The following COL5A2 variants were observed in gnomAD, a reference collection of about 807,000 sequenced individuals.
The protein encoded by COL5A2 is collagen alpha-2(V) chain.
COL5A2 carries 23 observed loss-of-function variants against 208.2 expected under a neutral mutation model. The observed-to-expected ratio is 0.11, with a 90% CI of 0.08 to 0.16. The LOEUF is 0.16. Ranked by LOEUF, COL5A2 falls within the 10% of genes least tolerant of loss-of-function variation. COL5A2 has a pLI of 1.00. For missense variants in COL5A2, 1,590 were observed against 1,956.4 expected, an observed-to-expected ratio of 0.81 and a Z score of 3.53; for synonymous variants, 625 against 628.5, an observed-to-expected ratio of 0.99 and a Z score of 0.08.
At chr2:189,404,494 C>T in the COL5A2 span, among the ~76,000 whole-genome samples, 1 of 152,276 alleles carries the variant, frequency 6.6e-6, no homozygotes, top group Admixed American at 6.5e-5. Context: ...TGGTCTCAGA[C>T]CAGAAGTTAC....
At chr2:189,097,513 A>G (rs2105683792) in intron 5 of COL5A2, 183 bp from the exon 6 acceptor site, 2 of 706,072 alleles carry the variant, frequency 2.8e-6, no homozygotes, top group South Asian at 1.5e-5. Context: ...AGCGTTGTTT[A>G]TGTTATCAGT....
chr2:189,045,155 A>G, intron 47 of COL5A2, 24 bp downstream of exon 47: 1 of 1,570,862 alleles, frequency 6.4e-7, no homozygotes, highest in Non-Finnish European at 8.7e-7. Context: ...AACATTTTTT[A>G]AAAAACAAAA....
At chr2:189,058,667 G>T in intron 32 of COL5A2, 140 bp from the exon 33 acceptor site, 3 of 974,700 alleles carry the variant, frequency 3.1e-6, no homozygotes, top group Non-Finnish European at 4.8e-6. Flanking sequence ...TTAGTGATAA[G>T]AAATAAATTT....
chr2:189,243,000 T>G, the COL5A2 span, among the ~76,000 whole-genome samples: 1 of 152,146 alleles, frequency 6.6e-6, no homozygotes, highest in Non-Finnish European at 1.5e-5. Flanking sequence ...TGCACTATTT[T>G]GATGGGTTGG....
the COL5A2 span, among the ~76,000 whole-genome samples, chr2:189,245,412 T>C: frequency 2.0e-5 from 3 of 152,136 alleles, no homozygotes; most frequent in South Asian, 6.2e-4. Flanking sequence ...TAATTTAAGA[T>C]GATTAAGCTC....
chr2:189,202,276 A>C lies in COL5A2; in HGVS notation c.-42+22872T>G, dbSNP rs999414916. ...GAAAATAGGAAAAGAGAAAAAGTAG[A>C]ATAAATCAAAAGAATAAAATGCAAT... On this transcript the variant is annotated intron_variant, in intron 1 of 10. Transcript: ENST00000649966. 5.1e-4 allele frequency among the ~76,000 whole-genome samples: 78 copies of C among 152,142 alleles called. 1 individual carries two copies. The highest frequency in any genetic ancestry group is 1.8e-3 in the African/African-American group (75 of 41,458).
chr2:189,199,862 C>G (rs943115832), intron 1 of COL5A2, among the ~76,000 whole-genome samples: 3 of 152,200 alleles, frequency 2.0e-5, no homozygotes, highest in Non-Finnish European at 2.9e-5. Context: ...CTTCTTTGTA[C>G]ATCACTATAT....
At chr2:189,182,371 C>T (rs780780187), upstream of COL5A2, among the ~76,000 whole-genome samples, 2 of 152,122 alleles carry the variant, frequency 1.3e-5, no homozygotes, top group South Asian at 2.1e-4. Context: ...TAGGCGATTA[C>T]GGTTCAAAGA....
At chr2:189,040,568 T>C (rs1460211479) in intron 50 of COL5A2, among the ~76,000 whole-genome samples, 1 of 152,190 alleles carries the variant, frequency 6.6e-6, no homozygotes, top group Non-Finnish European at 1.5e-5. Context: ...GGAGTTCTAC[T>C]ATTGGCTCTG....
At chr2:189,166,866 G>C (rs1203852136) in intron 1 of COL5A2, among the ~76,000 whole-genome samples, 1 of 152,150 alleles carries the variant, frequency 6.6e-6, no homozygotes, top group Non-Finnish European at 1.5e-5. Context: ...GCTAACTATA[G>C]GGCATCTGGA....
the COL5A2 span, among the ~76,000 whole-genome samples, chr2:189,428,478 T>G: frequency 6.6e-6 from 1 of 152,026 alleles, no homozygotes; most frequent in South Asian, 2.1e-4. Context: ...ATTAGCTGGG[T>G]GTGGTGGCAC....
chr2:189,152,351 G>A (rs912885058), intron 1 of COL5A2, among the ~76,000 whole-genome samples: 3 of 152,186 alleles, frequency 2.0e-5, no homozygotes, highest in African/African-American at 7.2e-5. Context: ...ATACCAAAGA[G>A]TTCTAAATTG....
intron 1 of COL5A2, among the ~76,000 whole-genome samples, chr2:189,126,504 ATC>A (rs748548311): frequency 3.8e-4 from 58 of 152,246 alleles, no homozygotes; most frequent in Admixed American, 1.2e-3. Flanking sequence ...CTTAGAGCAC[ATC>A]AAGTGGAACA....
chr2:189,241,578 T>C, the COL5A2 span, among the ~76,000 whole-genome samples: 67 of 152,242 alleles, frequency 4.4e-4, no homozygotes, highest in African/African-American at 1.5e-3. Context: ...CCCAGCTATT[T>C]GGGAGGCTGA....
the COL5A2 span, among the ~76,000 whole-genome samples, chr2:189,441,080 C>G: frequency 3.8e-3 from 572 of 152,168 alleles, 3 homozygotes; most frequent in South Asian, 0.015. Flanking sequence ...GAGAGGCTCG[C>G]GTCATCCTGC....
At chr2:189,190,946 T>A (rs1169058051) in intron 1 of COL5A2, among the ~76,000 whole-genome samples, 1 of 151,954 alleles carries the variant, frequency 6.6e-6, no homozygotes, top group Non-Finnish European at 1.5e-5. Flanking sequence ...ATCACTGATA[T>A]CTAACACATA....
the COL5A2 span, among the ~76,000 whole-genome samples, chr2:189,231,496 T>C: frequency 2.6e-5 from 4 of 151,654 alleles, no homozygotes; most frequent in African/African-American, 4.8e-5. Flanking sequence ...AAAAATGTTT[T>C]ACACTGGGGA....
At chr2:189,167,641 G>T (rs1161170696) in intron 1 of COL5A2, among the ~76,000 whole-genome samples, 2 of 148,052 alleles carry the variant, frequency 1.4e-5, no homozygotes, top group Admixed American at 1.4e-4. Flanking sequence ...AGGAAAAATA[G>T]GGAAGGATTG....
chr2:189,097,365 T>C (rs964137423), intron 5 of COL5A2, 35 bp from the exon 6 acceptor site: 10 of 1,607,000 alleles, frequency 6.2e-6, no homozygotes, highest in Non-Finnish European at 5.1e-6. Context: ...CATGCAAAAA[T>C]GTATACTTTC....
Sources: gnomAD v4.1 joint callset for allele counts (sites outside exome capture counted in the v4.1 genomes callset) on GRCh38, gnomAD v4.1.1 for gene constraint, MANE v1.5 for transcripts, NCBI Gene and HGNC (gene_info 2026-07-23, HGNC 2026-07-21) for gene names.